Variants in ENPP1 observed in about 807,000 individuals in gnomAD.
The protein encoded by ENPP1 is ectonucleotide pyrophosphatase/phosphodiesterase 1, also known as ectonucleotide pyrophosphatase/phosphodiesterase family member 1.
A neutral mutation model predicts 122.8 loss-of-function variants in ENPP1; 73 were observed. The observed-to-expected ratio is 0.59, with a 90% CI of 0.49 to 0.72. ENPP1 has a LOEUF of 0.72. Among genes scored for constraint, ENPP1 ranks in the 30% least tolerant of loss-of-function variants. The pLI, the probability that ENPP1 is intolerant of heterozygous loss-of-function variation, is 0.00. For synonymous variants in ENPP1, 367 were observed against 391.6 expected, an observed-to-expected ratio of 0.94 and a Z score of 0.74; for missense variants, 978 against 1,128.1, an observed-to-expected ratio of 0.87 and a Z score of 1.91.
intron 1 of ENPP1, chr6:131,828,169 C>A: frequency 1.7e-6 from 1 of 575,208 alleles, no homozygotes; most frequent in Non-Finnish European, 3.4e-6. Flanking sequence ...ACTGATGTCC[C>A]GGGATTAGAG....
At position 131,851,341 on chromosome 6, in the gene ENPP1, C is replaced by G; in HGVS notation, c.556+74C>G. The G allele has an allele frequency of 2.5e-6, 4 of 1,594,150 alleles. No individual in the cohort carries two copies. In the Admixed American group the frequency reaches 5.0e-5, roughly 20 times the overall value. ...TAGCGGGGCTTTACATAGGTGTTAT[C>G]TTTTATATTAGGAGTCATGGCTATT... On this transcript the variant is annotated intron_variant, in intron 4 of 24. Coordinates refer to ENST00000647893, the MANE Select transcript of ENPP1 (RefSeq NM_006208.3).
chr6:131,858,889 T>TTGC, intron 7 of ENPP1, 142 bp downstream of exon 7: 1 of 704,494 alleles, frequency 1.4e-6, no homozygotes. Flanking sequence ...GTTCTGATCT[T>TTGC]TGCTCTGCCA....
chr6:131,886,554 T>C lies in ENPP1; in HGVS notation c.2445-8T>C, dbSNP rs1782379712. 6.2e-7 allele frequency: 1 copy of C among 1,603,346 alleles called. No individual in the cohort carries two copies. Among genetic ancestry groups the C allele is most frequent in the Non-Finnish European group, 8.5e-7 (1 of 1,170,338 alleles). ...CTTTCTTAAAATGAATATTGGCATG[T>C]TTTACAGAAAAAGAAGAGTCATCCG... On this transcript the variant is annotated splice_polypyrimidine_tract_variant and splice_region_variant and intron_variant, in intron 23 of 24. Transcript: ENST00000647893.
chr6:131,859,038 C>T (rs1781983832), intron 7 of ENPP1, among the ~76,000 whole-genome samples: 1 of 152,068 alleles, frequency 6.6e-6, no homozygotes, highest in African/African-American at 2.4e-5. Context: ...TTCTTGTATC[C>T]TAGTTTTGAG....
At chr6:131,844,176 A>G (rs1781776045) in intron 1 of ENPP1, among the ~76,000 whole-genome samples, 1 of 152,224 alleles carries the variant, frequency 6.6e-6, no homozygotes, top group Non-Finnish European at 1.5e-5. Flanking sequence ...TTGGACAACT[A>G]TTTTGGCCAC....
At chr6:131,858,803 AT>A in intron 7 of ENPP1, 56 bp downstream of exon 7, 1 of 1,210,222 alleles carries the variant, frequency 8.3e-7, no homozygotes, top group Non-Finnish European at 1.2e-6. Context: ...GGATTGTAAC[AT>A]TTTTTGAGGG....
intron 18 of ENPP1, chr6:131,877,866 A>AAAAAAATATATATATAT (rs1562183349): frequency 5.7e-5 from 3 of 53,026 alleles, no homozygotes; most frequent in African/African-American, 1.9e-4. Flanking sequence ...AAAAAAAAAA[A>AAAAAAATATATATATAT]ATATATATAT....
Position 131,833,917 on chromosome 6 carries a change from C to T in ENPP1, c.241-13859C>T, listed in dbSNP as rs188936742. On this transcript the variant is annotated intron_variant, in intron 1 of 24. Coordinates refer to ENST00000647893, the MANE Select transcript of ENPP1 (RefSeq NM_006208.3). ...CTATCTGTGAATCTAAATAGAAGTT[C>T]CAGTGGCTGGAGGCTGTATCTGAGG... 1.3e-4 allele frequency among the ~76,000 whole-genome samples: 20 copies of T among 152,234 alleles called. No individual in the cohort carries two copies. In the East Asian group the frequency reaches 3.7e-3, roughly 28 times the overall value.
chr6:131,838,531 T>C (rs974780986), intron 1 of ENPP1, among the ~76,000 whole-genome samples: 1 of 150,788 alleles, frequency 6.6e-6, no homozygotes, highest in African/African-American at 2.4e-5. Context: ...ACAAGTTAGA[T>C]AGTAATATTA....
intron 1 of ENPP1, among the ~76,000 whole-genome samples, chr6:131,846,869 G>A (rs574719797): frequency 1.1e-3 from 167 of 152,302 alleles, no homozygotes; most frequent in African/African-American, 3.6e-3. Flanking sequence ...CAGAAGTTCT[G>A]TCATGGTTCT....
chr6:131,885,753 A>C (rs1263640838), intron 23 of ENPP1, among the ~76,000 whole-genome samples: 1 of 152,204 alleles, frequency 6.6e-6, no homozygotes, highest in Non-Finnish European at 1.5e-5. Flanking sequence ...TATGTGACTT[A>C]CAAAATACAT....
chr6:131,835,698 C>G (rs988286759), intron 1 of ENPP1, among the ~76,000 whole-genome samples: 4 of 152,132 alleles, frequency 2.6e-5, no homozygotes, highest in Non-Finnish European at 5.9e-5. Context: ...CATCCATTAG[C>G]TATTCTTCCT....
At chr6:131,833,221 G>A (rs1452592691) in intron 1 of ENPP1, among the ~76,000 whole-genome samples, 81 of 152,156 alleles carry the variant, frequency 5.3e-4, no homozygotes, top group Admixed American at 1.1e-3. Context: ...GTCAGAGCTT[G>A]TGATTATCAG....
rs1339171098 is a variant in ENPP1 at position 131,875,790 on chromosome 6, C to A, written c.1650C>A (p.Gly550=). The A allele has an allele frequency of 1.9e-6, 3 of 1,613,882 alleles. No individual in the cohort carries two copies. In the South Asian group the frequency reaches 3.3e-5, roughly 18 times the overall value. ...VFSNMQALFV[G]YGPGFKHGIE... ...TGGCCATCTAGGCCCTCTTTGTTGG[C>A]TATGGACCTGGATTCAAGCATGGCA... The change falls in exon 17 of 25, where the codon GGC becomes GGA. Residue 550 remains glycine (G), a synonymous_variant. Coordinates refer to ENST00000647893, the MANE Select transcript of ENPP1 (RefSeq NM_006208.3).
At chr6:131,814,992 A>G (rs1205097675) in intron 1 of ENPP1, among the ~76,000 whole-genome samples, 2 of 152,216 alleles carry the variant, frequency 1.3e-5, no homozygotes, top group African/African-American at 4.8e-5. Flanking sequence ...GGAAGACTAA[A>G]TACACAAGCA....
chr6:131,875,621 A>C (rs1395187030), intron 16 of ENPP1, among the ~76,000 whole-genome samples, 155 bp from the exon 17 acceptor site: 1 of 152,236 alleles, frequency 6.6e-6, no homozygotes, highest in African/African-American at 2.4e-5. Context: ...GATAGGGTTA[A>C]AACTATATTT....
chr6:131,861,403 TCTGA>T (rs1185711940), intron 8 of ENPP1, among the ~76,000 whole-genome samples, 188 bp from the exon 9 acceptor site: 1 of 152,238 alleles, frequency 6.6e-6, no homozygotes, highest in Non-Finnish European at 1.5e-5. Flanking sequence ...GGAGTTAATC[TCTGA>T]CTATTTAATA....
chr6:131,827,348 G>A (rs113469903), intron 1 of ENPP1: 2 of 1,141,092 alleles, frequency 1.8e-6, no homozygotes, highest in Non-Finnish European at 2.7e-6. Context: ...CATCAGGGAT[G>A]TCACTATAGT....
At chr6:131,832,281 A>T (rs1162989227) in intron 1 of ENPP1, among the ~76,000 whole-genome samples, 3 of 152,076 alleles carry the variant, frequency 2.0e-5, no homozygotes, top group Admixed American at 6.6e-5. Flanking sequence ...GACTTACATA[A>T]ACCTTTGTGC....
Sources: gnomAD v4.1 joint callset for allele counts (sites outside exome capture counted in the v4.1 genomes callset) on GRCh38, gnomAD v4.1.1 for gene constraint, MANE v1.5 for transcripts, NCBI Gene and HGNC (gene_info 2026-07-23, HGNC 2026-07-21) for gene names.